The following CPNE5 variants were observed in gnomAD, a reference collection of about 807,000 sequenced individuals.
The protein encoded by CPNE5 is copine 5, also known as copine-5.
Under a neutral mutation model 81.1 loss-of-function variants are expected in CPNE5, and 42 were observed. The observed-to-expected ratio is 0.52, with a 90% CI of 0.40 to 0.67. The LOEUF is 0.67. Ranked by LOEUF, CPNE5 falls within the 30% of genes least tolerant of loss-of-function variation. The pLI, the probability that CPNE5 is intolerant of heterozygous loss-of-function variation, is 0.00. For synonymous variants in CPNE5, 313 were observed against 321.5 expected (o/e 0.97, Z 0.28); for missense variants, 612 against 815.5 (o/e 0.75, Z 3.04).
At chr6:36,756,409 T>C in intron 12 of CPNE5, 111 bp from the exon 13 acceptor site, 1 of 878,076 alleles carries the variant, frequency 1.1e-6, no homozygotes, top group South Asian at 1.4e-5. Flanking sequence ...CATTAGAGTG[T>C]GGGGTGTGAA....
chr6:36,763,529 G>C (rs951407168), intron 11 of CPNE5, among the ~76,000 whole-genome samples: 6 of 151,204 alleles, frequency 4.0e-5, no homozygotes, highest in African/African-American at 1.5e-4. Context: ...CTTGAACCCA[G>C]GAGGTGGAGG....
At chr6:36,774,761 A>G (rs950502970) in intron 10 of CPNE5, among the ~76,000 whole-genome samples, 200 bp downstream of exon 10, 8 of 152,200 alleles carry the variant, frequency 5.3e-5, no homozygotes, top group Non-Finnish European at 1.0e-4. Context: ...AGAGGCAGAC[A>G]TTGCCGGGTG....
At chr6:36,778,537 C>A (rs1365819126) in intron 9 of CPNE5, among the ~76,000 whole-genome samples, 2 of 152,140 alleles carry the variant, frequency 1.3e-5, no homozygotes, top group Non-Finnish European at 2.9e-5. Flanking sequence ...GGGACTGGCC[C>A]CCTATTCCTG....
chr6:36,834,045 C>T (rs546628263), intron 1 of CPNE5, among the ~76,000 whole-genome samples: 2 of 150,946 alleles, frequency 1.3e-5, no homozygotes, highest in Admixed American at 1.3e-4. Context: ...CCTGGGCAAC[C>T]GAGTATGACC....
At position 36,746,343 on chromosome 6, in the gene CPNE5, T is replaced by C; in HGVS notation, c.1200+53A>G. On this transcript the variant is annotated intron_variant, in intron 16 of 20. Transcript: ENST00000244751. This position sits in a 1 kb window ranked among gnomAD's most constrained non-coding sequence, Gnocchi z 4.5. ...GAAACGTCCCCCCACCCCCAGCTTGTCACCTCACCCCCAGCCTGATCAGTC... is the reference window on the plus strand; with the variant it reads ...GAAACGTCCCCCCACCCCCAGCTTGCCACCTCACCCCCAGCCTGATCAGTC... The C allele has an allele frequency of 8.6e-7, 1 of 1,159,524 alleles. No homozygotes were observed. The highest frequency in any genetic ancestry group is 1.4e-5 in the South Asian group (1 of 70,274). 71.8% of individuals were successfully genotyped at this position (1,159,524 alleles called of 1,614,324 possible). A position where few individuals can be genotyped will look rare whatever the true frequency, so the allele number is the denominator to read the frequency against.
In CPNE5 at chr6:36,794,579, T is replaced by C; in HGVS notation, c.464+11A>G. On this transcript the variant is annotated intron_variant, in intron 7 of 20. Transcript: ENST00000244751. ...TAAGGACTCCAGGGCCAGAGATGTC[T>C]GGCAACGTACCCGTTGGACACAGCT... 1 of 1,613,778 alleles carries C rather than the reference T, an allele frequency of 6.2e-7. No homozygotes were observed. Among genetic ancestry groups the C allele is most frequent in the East Asian group, 2.2e-5 (1 of 44,862 alleles).
chr6:36,798,400 G>A, intron 5 of CPNE5, 55 bp downstream of exon 5: 1 of 1,588,868 alleles, frequency 6.3e-7, no homozygotes, highest in Non-Finnish European at 8.6e-7. Flanking sequence ...GGCTCACCCA[G>A]AGGATGGCAT....
intron 8 of CPNE5, among the ~76,000 whole-genome samples, chr6:36,785,066 C>G (rs893827744): frequency 6.6e-6 from 1 of 152,190 alleles, no homozygotes; most frequent in Non-Finnish European, 1.5e-5. Flanking sequence ...GTCTTTCACC[C>G]TATCTTTTTA....
intron 13 of CPNE5, among the ~76,000 whole-genome samples, chr6:36,753,537 C>T (rs770855560): frequency 5.3e-5 from 8 of 152,228 alleles, no homozygotes; most frequent in South Asian, 2.1e-4. Flanking sequence ...CTGCCAATGC[C>T]GACCAGCTTC....
At position 36,839,212 on chromosome 6, in the gene CPNE5, C is replaced by G; in HGVS notation, c.95+71G>C. 1.0e-5 allele frequency: 12 copies of G among 1,173,416 alleles called. No homozygotes were observed. The highest frequency in any genetic ancestry group is 1.4e-5 in the Non-Finnish European group (12 of 845,896). 72.7% of individuals were successfully genotyped at this position (1,173,416 alleles called of 1,614,324 possible). A position where few individuals can be genotyped will look rare whatever the true frequency, so the allele number is the denominator to read the frequency against. On this transcript the variant is annotated intron_variant, in intron 1 of 20. Coordinates refer to ENST00000244751, the MANE Select transcript of CPNE5 (RefSeq NM_020939.2). This position sits in a 1 kb window ranked among gnomAD's most constrained non-coding sequence, Gnocchi z 7.3. ...AAGGGGGCGCGCGGAGGTTTAGGAT[C>G]GAAGCGGCAGGGGCCGCGGGGCTCT...
intron 7 of CPNE5, among the ~76,000 whole-genome samples, chr6:36,794,127 G>A (rs1463188328): frequency 6.6e-6 from 1 of 151,854 alleles, no homozygotes; most frequent in Non-Finnish European, 1.5e-5. Flanking sequence ...CTACTCTGTG[G>A]TGAGGAGGAG....
intron 1 of CPNE5, chr6:36,827,469 G>A (rs1199506457): frequency 1.5e-5 from 15 of 984,930 alleles, no homozygotes; most frequent in Non-Finnish European, 1.7e-5. Context: ...GGGCTCCAGA[G>A]GCCATGTTTA....
chr6:36,745,471 G>T lies in CPNE5; in HGVS notation c.1245C>A (p.Ile415=). ...ENPSCCGIDG[I]LEAYHRSLRT... The stretch of plus-strand genomic sequence containing the variant: ...GCAGGCTGCGGTGGTAGGCCTCCAG[G>T]ATGCCGTCGATGCCACAGCATGAGG... Residue 415 remains isoleucine, a synonymous_variant, in exon 17 of 21, where the codon ATC becomes ATA. Transcript: ENST00000244751. 1 of 1,598,718 alleles carries T rather than the reference G, an allele frequency of 6.3e-7. No individual in the cohort carries two copies. Among genetic ancestry groups the T allele is most frequent in the Non-Finnish European group, 8.5e-7 (1 of 1,173,230 alleles).
chr6:36,755,965 C>T (rs375262938), intron 13 of CPNE5: 39 of 487,988 alleles, frequency 8.0e-5, no homozygotes, highest in East Asian at 5.1e-4. Context: ...CCAATAAATA[C>T]GACTTCTCTT....
intron 1 of CPNE5, among the ~76,000 whole-genome samples, chr6:36,827,121 G>C (rs1197573470): frequency 6.6e-6 from 1 of 152,070 alleles, no homozygotes; most frequent in Non-Finnish European, 1.5e-5. Context: ...CACTCCCAGG[G>C]CTCCCTGCTG....
intron 9 of CPNE5, 95 bp from the exon 10 acceptor site, chr6:36,775,160 T>C (rs1767391771): frequency 3.5e-6 from 3 of 865,682 alleles, no homozygotes; most frequent in Middle Eastern, 2.2e-4. Flanking sequence ...ACATCTCTGG[T>C]TCCTGGACGA....
At position 36,765,241 on chromosome 6, in the gene CPNE5, G is replaced by T. The variant is rs557543987; in HGVS notation, c.779+94C>A. 228 of 1,403,262 alleles carry T rather than the reference G, an allele frequency of 1.6e-4. 1 individual carries two copies. The African/African-American group carries it at 2.9e-3, about 18-fold the overall frequency. The allele number at this position is 1,403,262 out of a possible 1,614,324, so 86.9% of individuals were successfully genotyped here. ...CCTCACCCCCAGAGCCACTGCGGGG[G>T]GGAGCCTGGTCACAGCTCCGCATGG... On this transcript the variant is annotated intron_variant, in intron 11 of 20. Transcript: ENST00000244751.
chr6:36,786,838 A>T (rs775517080), intron 8 of CPNE5, among the ~76,000 whole-genome samples: 9 of 152,242 alleles, frequency 5.9e-5, no homozygotes, highest in Non-Finnish European at 2.9e-5. Flanking sequence ...GAAGCACATC[A>T]AAATGTCAAC....
At position 36,746,817 on chromosome 6, in the gene CPNE5, C is replaced by T. The variant is rs910338574; in HGVS notation, c.1019-240G>A. Among the ~76,000 whole-genome samples the T allele has an allele frequency of 6.6e-6, 1 of 152,128 alleles. No individual in the cohort carries two copies. Among genetic ancestry groups the T allele is most frequent in the African/African-American group, 2.4e-5 (1 of 41,406 alleles). ...AGGATGCAGCAGTCTCCTAACTGAT[C>T]TCCCACTTCCTTCTGCCCCTGTGCC... On this transcript the variant is annotated intron_variant, in intron 15 of 20. Coordinates refer to ENST00000244751, the MANE Select transcript of CPNE5 (RefSeq NM_020939.2). This position sits in a 1 kb window ranked among gnomAD's most constrained non-coding sequence, Gnocchi z 4.5.
Sources: gnomAD v4.1 joint callset for allele counts (sites outside exome capture counted in the v4.1 genomes callset) on GRCh38, gnomAD v4.1.1 for gene constraint, Gnocchi (gnomAD v3.1) non-coding constraint, MANE v1.5 for transcripts, NCBI Gene and HGNC (gene_info 2026-07-23, HGNC 2026-07-21) for gene names.